PALM2AKAP2: variants seen among roughly 807,000 people sequenced by gnomAD.
The protein encoded by PALM2AKAP2 is PALM2 and AKAP2 fusion.
In PALM2AKAP2, 37 loss-of-function variants were observed where a neutral mutation model predicts 71.5. That is an observed-to-expected ratio of 0.52 (90% CI 0.40 to 0.68). PALM2AKAP2 has a LOEUF of 0.68. Among genes scored for constraint, PALM2AKAP2 ranks in the 30% least tolerant of loss-of-function variants. The pLI, the probability that PALM2AKAP2 is intolerant of heterozygous loss-of-function variation, is 0.00. For synonymous variants in PALM2AKAP2, 468 were observed against 478.8 expected (o/e 0.98, Z 0.29); for missense variants, 1,224 against 1,191.8 (o/e 1.03, Z -0.40).
chr9:109,994,139 T>C (rs1310260105), intron 6 of PALM2AKAP2, among the ~76,000 whole-genome samples: 2 of 152,220 alleles, frequency 1.3e-5, no homozygotes, highest in African/African-American at 2.4e-5. Context: ...GGAACTCCCA[T>C]TGGTAACTTT....
chr9:109,875,602 C>A (rs1210403873), intron 2 of PALM2AKAP2, among the ~76,000 whole-genome samples: 2 of 152,172 alleles, frequency 1.3e-5, no homozygotes, highest in Non-Finnish European at 2.9e-5. Context: ...AGTCATAGGT[C>A]CTCATGCTGT....
chr9:109,798,659 C>T (rs747212197), intron 1 of PALM2AKAP2, among the ~76,000 whole-genome samples: 7 of 152,172 alleles, frequency 4.6e-5, no homozygotes, highest in Non-Finnish European at 1.0e-4. Flanking sequence ...CAGAGCTGCC[C>T]CCAGTCCTGT....
intron 6 of PALM2AKAP2, among the ~76,000 whole-genome samples, chr9:110,007,762 A>G (rs1241618594): frequency 6.6e-6 from 1 of 152,248 alleles, no homozygotes; most frequent in Non-Finnish European, 1.5e-5. Context: ...GGAAAGACGT[A>G]TAAATTTATT....
chr9:110,162,923 G>T (rs1836638993), intron 3 of PALM2AKAP2, among the ~76,000 whole-genome samples: 2 of 151,508 alleles, frequency 1.3e-5, no homozygotes, highest in African/African-American at 4.9e-5. Context: ...TGTTGCCCAG[G>T]CTGGTCTCAA....
At chr9:109,707,331 G>A (rs1828160120) in intron 1 of PALM2AKAP2, among the ~76,000 whole-genome samples, 1 of 152,040 alleles carries the variant, frequency 6.6e-6, no homozygotes, top group Admixed American at 6.6e-5. Flanking sequence ...ATTATAAAAT[G>A]GAAAACGCTG....
chr9:109,780,497 G>A (rs770291061), exon 1 of PALM2AKAP2: 6 of 1,613,480 alleles, frequency 3.7e-6, no homozygotes, highest in Non-Finnish European at 5.1e-6. Context: ...GGATGGCAGA[G>A]GCGGAATTGC....
intron 1 of PALM2AKAP2, among the ~76,000 whole-genome samples, chr9:109,700,347 C>T (rs1828034773): frequency 6.6e-6 from 1 of 152,174 alleles, no homozygotes; most frequent in South Asian, 2.1e-4. Context: ...CACATACTCT[C>T]TTGCCTGCTA....
chr9:110,133,777 T>A (rs978784096), intron 1 of PALM2AKAP2, among the ~76,000 whole-genome samples: 1 of 151,952 alleles, frequency 6.6e-6, no homozygotes, highest in African/African-American at 2.4e-5. Flanking sequence ...GTGCCATAGG[T>A]AATCTGACTC....
intron 2 of PALM2AKAP2, among the ~76,000 whole-genome samples, chr9:110,146,523 G>GTAGGGGAATGATGGTTGTAGGGGAATGA (rs1836175616): frequency 1.3e-5 from 2 of 152,166 alleles, no homozygotes; most frequent in African/African-American, 4.8e-5. Context: ...AAAAACAGAT[G>GTAGGGGAATGATGGTTGTAGGGGAATGA]CATAGTTTTC....
At chr9:109,966,424 T>C (rs944636739) in intron 6 of PALM2AKAP2, among the ~76,000 whole-genome samples, 4 of 152,350 alleles carry the variant, frequency 2.6e-5, no homozygotes, top group African/African-American at 9.6e-5. Context: ...TTAGTACTGC[T>C]AATGTTCTAA....
At chr9:110,133,673 G>A (rs547245361) in intron 1 of PALM2AKAP2, among the ~76,000 whole-genome samples, 16 of 144,434 alleles carry the variant, frequency 1.1e-4, no homozygotes, top group South Asian at 2.5e-4. Flanking sequence ...CGCCCACCCC[G>A]GCCCCCAAGC....
chr9:110,118,541 C>T (rs1420167064), intron 1 of PALM2AKAP2, among the ~76,000 whole-genome samples: 1 of 152,214 alleles, frequency 6.6e-6, no homozygotes, highest in Admixed American at 6.5e-5. Flanking sequence ...AGCCACTGCT[C>T]CCAGCCTTCT....
chr9:110,132,772 G>A (rs1835763583), intron 1 of PALM2AKAP2, among the ~76,000 whole-genome samples: 1 of 151,648 alleles, frequency 6.6e-6, no homozygotes, highest in Non-Finnish European at 1.5e-5. Flanking sequence ...ACCATGCCTG[G>A]CTAACTTTTG....
chr9:109,661,358 A>T (rs1489828260), intron 1 of PALM2AKAP2, among the ~76,000 whole-genome samples: 1 of 152,124 alleles, frequency 6.6e-6, no homozygotes. Context: ...TAAGGAAGGG[A>T]TCCAGTTTCA....
At chr9:109,750,946 A>C (rs1828879464) in intron 1 of PALM2AKAP2, among the ~76,000 whole-genome samples, 1 of 152,128 alleles carries the variant, frequency 6.6e-6, no homozygotes, top group East Asian at 1.9e-4. Flanking sequence ...TTCCCAATGA[A>C]GAAATACAAG....
At chr9:109,900,695 G>A (rs1221054509) in intron 3 of PALM2AKAP2, among the ~76,000 whole-genome samples, 1 of 152,226 alleles carries the variant, frequency 6.6e-6, no homozygotes, top group Admixed American at 6.5e-5. Context: ...AATAATGGGA[G>A]GCAAGCCTTT....
chr9:109,863,631 T>C (rs1387891398), intron 1 of PALM2AKAP2, among the ~76,000 whole-genome samples: 1 of 152,136 alleles, frequency 6.6e-6, no homozygotes, highest in Non-Finnish European at 1.5e-5. Context: ...GCTATCCCGG[T>C]GAGGAGCACA....
intron 6 of PALM2AKAP2, among the ~76,000 whole-genome samples, chr9:110,012,887 G>C (rs1832910188): frequency 6.6e-6 from 1 of 152,170 alleles, no homozygotes; most frequent in Non-Finnish European, 1.5e-5. Context: ...ACTTGTGAAT[G>C]AAACTTTTAT....
chr9:109,893,093 C>G (rs1336248185), intron 3 of PALM2AKAP2, among the ~76,000 whole-genome samples: 3 of 152,124 alleles, frequency 2.0e-5, no homozygotes, highest in African/African-American at 7.2e-5. Context: ...GTACACCTCA[C>G]CTTTGCAGTC....
Sources: gnomAD v4.1 joint callset for allele counts (sites outside exome capture counted in the v4.1 genomes callset) on GRCh38, gnomAD v4.1.1 for gene constraint, MANE v1.5 for transcripts, NCBI Gene and HGNC (gene_info 2026-07-23, HGNC 2026-07-21) for gene names.